Variants in ANKRD44 observed in about 807,000 individuals in gnomAD.
ANKRD44 encodes ankyrin repeat domain 44.
ANKRD44 carries 35 observed loss-of-function variants against 116.0 expected under a neutral mutation model. The ratio of observed to expected loss-of-function variants is 0.30; its 90% CI spans 0.23 to 0.40. ANKRD44 has a LOEUF of 0.40. Among genes scored for constraint, ANKRD44 ranks in the 10% least tolerant of loss-of-function variants. ANKRD44 has a pLI of 1.00. For missense variants in ANKRD44, 1,014 were observed against 1,242.6 expected (o/e 0.82, Z 2.77); for synonymous variants, 435 against 461.8 (o/e 0.94, Z 0.74).
At position 197,121,485 on chromosome 2, in the gene ANKRD44, CTGTCCATTGTAGCAGGCGATGT is replaced by C; in HGVS notation, c.731_752del (p.His244ArgfsTer8). ...CAATCAACTCGTTAACCACAGCATCCTGTCCATTGTAGCAGGCGATGTGAAGCGCTGTATTTCCATAGACATT... is the reference window on the plus strand; with the variant it reads ...CAATCAACTCGTTAACCACAGCATCCGAAGCGCTGTATTTCCATAGACATT... On this transcript the variant is annotated frameshift_variant, in exon 8 of 28. Transcript: ENST00000282272. LOFTEE classifies it high-confidence loss of function. 6.2e-7 allele frequency: 1 copy of C among 1,614,250 alleles called. No individual in the cohort carries two copies. Among genetic ancestry groups the C allele is most frequent in the Non-Finnish European group, 8.5e-7 (1 of 1,180,052 alleles).
chr2:196,988,452 T>C lies in ANKRD44; in HGVS notation c.*1139A>G. The stretch of plus-strand genomic sequence containing the variant: ...ATTCAAAAAAACAATGGTGGTGGTG[T>C]GGAAAATTTTCAGTGAAATCAATAC... On this transcript the variant is annotated 3_prime_UTR_variant, in exon 28 of 28. Transcript: ENST00000282272. 4 of 985,400 alleles carry C rather than the reference T, an allele frequency of 4.1e-6. No individual in the cohort carries two copies. The highest frequency in any genetic ancestry group is 4.8e-6 in the Non-Finnish European group (4 of 829,912). The allele number at this position is 985,400 out of a possible 1,614,324, so 61.0% of individuals were successfully genotyped here.
At chr2:197,253,450 G>A (rs1015356533) in intron 1 of ANKRD44, among the ~76,000 whole-genome samples, 2 of 151,978 alleles carry the variant, frequency 1.3e-5, no homozygotes, top group East Asian at 1.9e-4. Context: ...ACACACACAC[G>A]TACATATTCC....
intron 1 of ANKRD44, among the ~76,000 whole-genome samples, chr2:197,306,514 C>T (rs534178557): frequency 1.3e-5 from 2 of 152,326 alleles, no homozygotes; most frequent in South Asian, 2.1e-4. Context: ...GCCTCAAGTG[C>T]ACTCTCAAAA....
chr2:197,130,041 C>T (rs1409775729), intron 4 of ANKRD44, among the ~76,000 whole-genome samples: 1 of 152,194 alleles, frequency 6.6e-6, no homozygotes, highest in Non-Finnish European at 1.5e-5. Context: ...CTGTAATCAT[C>T]AGCAAAGTCT....
chr2:197,000,544 T>C (rs770599617), intron 22 of ANKRD44, 42 bp from the exon 23 acceptor site: 2 of 1,491,880 alleles, frequency 1.3e-6, no homozygotes, highest in East Asian at 4.5e-5. Flanking sequence ...CTCACTCTTT[T>C]AAATTATATC....
rs573991442 is a variant in ANKRD44 at position 197,277,318 on chromosome 2, G to A, written c.27+33260C>T. Among the ~76,000 whole-genome samples the A allele has an allele frequency of 5.9e-5, 9 of 152,140 alleles. No individual in the cohort carries two copies. In the South Asian group the frequency reaches 1.9e-3, roughly 32 times the overall value. On this transcript the variant is annotated intron_variant, in intron 1 of 27. Transcript: ENST00000282272. ...GAGGTGCTCAGAGTCTCAAAGGGAA[G>A]GTAAAATTTTAACCATCATGTCAGG... is the stretch of plus-strand genomic sequence containing the variant.
chr2:197,169,965 G>C (rs766654830), intron 2 of ANKRD44, among the ~76,000 whole-genome samples: 3 of 152,102 alleles, frequency 2.0e-5, no homozygotes, highest in African/African-American at 7.2e-5. Context: ...CATGGCTGAT[G>C]GATCTCTTGA....
chr2:197,105,078 T>C (rs1358943048), intron 9 of ANKRD44, among the ~76,000 whole-genome samples: 2 of 152,190 alleles, frequency 1.3e-5, no homozygotes, highest in African/African-American at 4.8e-5. Flanking sequence ...CAAATCTTTG[T>C]TTCTGTGTTA....
intron 1 of ANKRD44, among the ~76,000 whole-genome samples, chr2:197,288,232 C>A (rs1470443619): frequency 6.6e-6 from 1 of 152,088 alleles, no homozygotes; most frequent in Non-Finnish European, 1.5e-5. Flanking sequence ...GCTATTCAAC[C>A]AGTTGCACAG....
At chr2:197,184,261 C>T (rs541372280) in intron 2 of ANKRD44, among the ~76,000 whole-genome samples, 6 of 152,184 alleles carry the variant, frequency 3.9e-5, no homozygotes, top group South Asian at 2.1e-4. Flanking sequence ...TACTCTCCCT[C>T]GTAGCTAGGT....
chr2:197,079,384 A>C (rs929667500), intron 15 of ANKRD44, among the ~76,000 whole-genome samples: 1 of 152,248 alleles, frequency 6.6e-6, no homozygotes, highest in African/African-American at 2.4e-5. Context: ...CATATGAATA[A>C]AGAGGCTTAA....
intron 1 of ANKRD44, among the ~76,000 whole-genome samples, chr2:197,293,122 T>A (rs2083617942): frequency 6.6e-6 from 1 of 152,112 alleles, no homozygotes; most frequent in Non-Finnish European, 1.5e-5. Context: ...AATTAATCAC[T>A]TCCTGTCCTT....
At chr2:197,058,445 G>A (rs1389532173) in intron 16 of ANKRD44, among the ~76,000 whole-genome samples, 4 of 147,806 alleles carry the variant, frequency 2.7e-5, no homozygotes, top group Admixed American at 6.9e-5. Context: ...TGTGTTCCAC[G>A]AATTAAAGCC....
chr2:197,185,214 G>A (rs1009794052), intron 2 of ANKRD44, among the ~76,000 whole-genome samples: 1 of 152,150 alleles, frequency 6.6e-6, no homozygotes, highest in Admixed American at 6.5e-5. Flanking sequence ...CTGCCTTCTG[G>A]AGTAGCCTGT....
At chr2:197,079,777 A>G (rs1477145614) in intron 15 of ANKRD44, among the ~76,000 whole-genome samples, 1 of 151,506 alleles carries the variant, frequency 6.6e-6, no homozygotes, top group Non-Finnish European at 1.5e-5. Flanking sequence ...ACCTTCCAAT[A>G]GAAAATTTCT....
intron 8 of ANKRD44, among the ~76,000 whole-genome samples, chr2:197,117,460 G>A (rs1465230461): frequency 1.3e-5 from 2 of 152,054 alleles, no homozygotes; most frequent in East Asian, 3.9e-4. Flanking sequence ...GGCTGGTCTC[G>A]AATTCCTCAC....
At chr2:197,046,545 G>T (rs2077004305) in intron 16 of ANKRD44, among the ~76,000 whole-genome samples, 1 of 151,334 alleles carries the variant, frequency 6.6e-6, no homozygotes, top group Admixed American at 6.6e-5. Context: ...AACCCTCAGA[G>T]AGCAAGAAAC....
intron 17 of ANKRD44, among the ~76,000 whole-genome samples, chr2:197,024,530 T>C (rs775558289): frequency 2.7e-4 from 41 of 152,202 alleles, no homozygotes; most frequent in Non-Finnish European, 4.9e-4. Context: ...CTTCCCACCT[T>C]GGTCACTCCC....
chr2:197,147,428 TAAA>T (rs34720427), intron 2 of ANKRD44, among the ~76,000 whole-genome samples: 60 of 142,804 alleles, frequency 4.2e-4, no homozygotes, highest in Non-Finnish European at 4.7e-4. Flanking sequence ...TCAGGATGGT[TAAA>T]AAAAAAAAAA....
Sources: allele counts gnomAD v4.1 joint callset (sites outside exome capture counted in the v4.1 genomes callset), GRCh38; gene constraint gnomAD v4.1.1; transcripts MANE v1.5; gene names NCBI Gene and HGNC (gene_info 2026-07-23, HGNC 2026-07-21).